The following NLGN1 variants were observed in gnomAD, a reference collection of about 807,000 sequenced individuals.
The protein encoded by NLGN1 is neuroligin 1, also known as neuroligin-1.
Under a neutral mutation model 65.5 loss-of-function variants are expected in NLGN1, and 12 were observed. That is an observed-to-expected ratio of 0.18 (90% CI 0.12 to 0.30). The LOEUF (loss-of-function observed/expected upper bound fraction) is 0.30. NLGN1 is among the 10% of genes least tolerant of loss of function. The pLI, the probability that NLGN1 is intolerant of heterozygous loss-of-function variation, is 1.00. For missense variants in NLGN1, 750 were observed against 1,007.1 expected (o/e 0.74, Z 3.46); for synonymous variants, 350 against 359.5 (o/e 0.97, Z 0.30).
At chr3:173,431,108 C>A (rs989655205) in intron 1 of NLGN1, among the ~76,000 whole-genome samples, 1 of 152,026 alleles carries the variant, frequency 6.6e-6, no homozygotes, top group African/African-American at 2.4e-5. Context: ...TCATTTTATT[C>A]TTTCATGCTA....
At chr3:174,271,335 A>G (rs1190580021) in intron 4 of NLGN1, among the ~76,000 whole-genome samples, 1 of 151,494 alleles carries the variant, frequency 6.6e-6, no homozygotes, top group Non-Finnish European at 1.5e-5. Flanking sequence ...ATATTTGTAC[A>G]TGCTTGTTTG....
chr3:173,540,441 T>A, intron 2 of NLGN1, among the ~76,000 whole-genome samples: 1 of 152,180 alleles, frequency 6.6e-6, no homozygotes, highest in East Asian at 1.9e-4. Flanking sequence ...GCCCACTATG[T>A]GTTTTGCCTC....
At chr3:174,102,383 G>C (rs897626267) in intron 4 of NLGN1, among the ~76,000 whole-genome samples, 6 of 151,980 alleles carry the variant, frequency 3.9e-5, no homozygotes, top group Non-Finnish European at 1.5e-5. Flanking sequence ...TATTTGCTTT[G>C]ACAAATTCTA....
intron 3 of NLGN1, among the ~76,000 whole-genome samples, chr3:173,678,117 A>G (rs1375284409): frequency 6.6e-6 from 1 of 152,108 alleles, no homozygotes; most frequent in Non-Finnish European, 1.5e-5. Flanking sequence ...CTGAATTGAA[A>G]TACAATGTAT....
At chr3:173,633,971 G>C (rs1756165033) in intron 3 of NLGN1, among the ~76,000 whole-genome samples, 1 of 152,012 alleles carries the variant, frequency 6.6e-6, no homozygotes, top group South Asian at 2.1e-4. Context: ...CATTTTAATA[G>C]AATTCTGAGA....
rs1297001878 is a variant in NLGN1 at position 173,551,816 on chromosome 3, T to C, written c.-320-52463T>C. On this transcript the variant is annotated intron_variant, in intron 2 of 6. Coordinates refer to ENST00000457714, the Ensembl canonical transcript of NLGN1. ...CTGAACTTACGTTTTTTCACTCATATAATGGTAACTATTGTACCTACTTCT... is the reference window on the plus strand; with the variant it reads ...CTGAACTTACGTTTTTTCACTCATACAATGGTAACTATTGTACCTACTTCT... Among the ~76,000 whole-genome samples the C allele has an allele frequency of 3.3e-5, 5 of 152,338 alleles. No individual in the cohort carries two copies. In the East Asian group the frequency reaches 9.7e-4, roughly 29 times the overall value.
chr3:173,541,352 A>G (rs1738830117), intron 2 of NLGN1, among the ~76,000 whole-genome samples: 1 of 152,150 alleles, frequency 6.6e-6, no homozygotes, highest in South Asian at 2.1e-4. Flanking sequence ...ATTAGATTTG[A>G]AAGTTTGGAA....
chr3:173,829,568 GTGTT>G lies in NLGN1; in HGVS notation c.646+21740_646+21743del, dbSNP rs1302465265. On this transcript the variant is annotated intron_variant, in intron 4 of 6. Transcript: ENST00000457714. Reference sequence around the variant, plus strand: ...GGAGTGTGTGCGTGTGTGTGTGTGTGTGTTTGTGTGTGTGTGTGTGTTAAGATCA... The same window carrying G: ...GGAGTGTGTGCGTGTGTGTGTGTGTGTGTGTGTGTGTGTGTGTTAAGATCA... Among the ~76,000 whole-genome samples the G allele has an allele frequency of 8.9e-4, 93 of 104,336 alleles. No individual in the cohort carries two copies. In the East Asian group the frequency reaches 9.6e-3, roughly 11 times the overall value. 68.4% of individuals were successfully genotyped at this position (104,336 alleles called of 152,430 possible).
In NLGN1 at chr3:173,559,397, T is replaced by G. The variant is rs187631449; in HGVS notation, c.-320-44882T>G. 2.7e-3 allele frequency among the ~76,000 whole-genome samples: 404 copies of G among 152,326 alleles called. 3 individuals are homozygous for G. Among genetic ancestry groups the G allele is most frequent in the South Asian group, 4.6e-3 (22 of 4,830 alleles). On this transcript the variant is annotated intron_variant, in intron 2 of 6. Transcript: ENST00000457714. ...TCTGTGGCAGACCCTTTCTTGTGTCTGCCTATACATAGACTAAGGACTTGA... is the reference window on the plus strand; with the variant it reads ...TCTGTGGCAGACCCTTTCTTGTGTCGGCCTATACATAGACTAAGGACTTGA...
chr3:173,716,951 T>C (rs1246645571), intron 3 of NLGN1, among the ~76,000 whole-genome samples: 1 of 152,298 alleles, frequency 6.6e-6, no homozygotes, highest in African/African-American at 2.4e-5. Context: ...TCAATGAAAC[T>C]ATAGCTTTGA....
chr3:173,590,565 C>T (rs1748309152), intron 2 of NLGN1, among the ~76,000 whole-genome samples: 2 of 152,062 alleles, frequency 1.3e-5, no homozygotes, highest in Admixed American at 1.3e-4. Flanking sequence ...AGAACAGTAC[C>T]TGGTACATAA....
chr3:173,538,657 C>T (rs1737867677), intron 2 of NLGN1, among the ~76,000 whole-genome samples: 1 of 152,156 alleles, frequency 6.6e-6, no homozygotes, highest in South Asian at 2.1e-4. Flanking sequence ...GTCTCCGCTG[C>T]TGGGAGATTA....
chr3:173,700,513 CATA>C (rs747044990), intron 3 of NLGN1, among the ~76,000 whole-genome samples: 3 of 152,136 alleles, frequency 2.0e-5, no homozygotes, highest in Non-Finnish European at 4.4e-5. Context: ...TTTATGTTTT[CATA>C]ATGAGTTCCT....
At chr3:173,656,663 T>C (rs1236530623) in intron 3 of NLGN1, among the ~76,000 whole-genome samples, 2 of 152,110 alleles carry the variant, frequency 1.3e-5, no homozygotes, top group African/African-American at 4.8e-5. Flanking sequence ...CCCACCACTA[T>C]CTGAATTAAA....
At chr3:173,627,783 G>C (rs1755046045) in intron 3 of NLGN1, among the ~76,000 whole-genome samples, 1 of 150,842 alleles carries the variant, frequency 6.6e-6, no homozygotes, top group African/African-American at 2.4e-5. Flanking sequence ...TTCTTAAAAG[G>C]ACTTATGCTT....
At chr3:173,552,080 A>G (rs374668034) in intron 2 of NLGN1, among the ~76,000 whole-genome samples, 2 of 152,352 alleles carry the variant, frequency 1.3e-5, no homozygotes, top group South Asian at 2.1e-4. Flanking sequence ...TCCATATTGA[A>G]ATAGACTTAT....
chr3:173,980,459 A>G (rs1054538950), intron 4 of NLGN1, among the ~76,000 whole-genome samples: 2 of 152,022 alleles, frequency 1.3e-5, no homozygotes, highest in Admixed American at 6.6e-5. Context: ...TTGATGCATG[A>G]TAATATACAT....
At chr3:174,052,067 T>A (rs1735018401) in intron 4 of NLGN1, among the ~76,000 whole-genome samples, 1 of 152,108 alleles carries the variant, frequency 6.6e-6, no homozygotes, top group Admixed American at 6.6e-5. Context: ...ATCCAAGTGA[T>A]TCTTCAGTAA....
At chr3:173,788,736 A>G (rs2861601) in intron 3 of NLGN1, among the ~76,000 whole-genome samples, 128,299 of 150,994 alleles carry the variant, frequency 0.85, 55,318 homozygotes, top group African/African-American at 0.91. Context: ...CAGGAGGATC[A>G]CTTGAGCCCA....
Sources: allele counts gnomAD v4.1 joint callset (sites outside exome capture counted in the v4.1 genomes callset), GRCh38; gene constraint gnomAD v4.1.1; transcripts MANE v1.5; gene names NCBI Gene and HGNC (gene_info 2026-07-23, HGNC 2026-07-21).